Variants in ALG2 observed in about 807,000 individuals in gnomAD.
ALG2 encodes alpha-1,3/1,6-mannosyltransferase ALG2.
In ALG2, 32 loss-of-function variants were observed where a neutral mutation model predicts 30.5. The observed-to-expected ratio is 1.05, with a 90% CI of 0.79 to 1.41. ALG2 has a LOEUF of 1.41. ALG2 is among the 40% of genes most tolerant of loss of function. The pLI is 0.00. For missense variants in ALG2, 574 were observed against 526.4 expected (o/e 1.09, Z -0.88); for synonymous variants, 253 against 224.8 (o/e 1.13, Z -1.12).
At position 99,218,495 on chromosome 9, in the gene ALG2, G is replaced by A. The variant is rs368526201; in HGVS notation, c.690C>T (p.Ser230=). The A allele has an allele frequency of 2.7e-5, 44 of 1,614,100 alleles. No individual in the cohort carries two copies. Among genetic ancestry groups the A allele is most frequent in the Non-Finnish European group, 3.1e-5 (36 of 1,180,044 alleles). ...VPKGKKFLLL[S]INRYERKKNL... is the part of the protein sequence containing the mutation. ...TTTTCTTCCTTTCGTATCTGTTGATGGAGAGCAGCAGGAATTTTTTCCCCT... is the reference window on the plus strand; with the variant it reads ...TTTTCTTCCTTTCGTATCTGTTGATAGAGAGCAGCAGGAATTTTTTCCCCT... Residue 230 remains serine, a synonymous_variant, in exon 2 of 2, where the codon TCC becomes TCT. Coordinates refer to ENST00000476832, the MANE Select transcript of ALG2 (RefSeq NM_033087.4).
Position 99,218,335 on chromosome 9 carries a change from A to T in ALG2, c.850T>A (p.Leu284Met). The part of the protein sequence containing the change: ...VLENVEHYQE[L>M]KKMVQQSDLG... ...TCGGACTGTTGGACCATTTTCTTCA[A>T]TTCCTGATAATGTTCCACATTCTCC... The change falls in exon 2 of 2, where the codon TTG becomes ATG. Residue 284 changes from leucine to methionine, a missense_variant. By Grantham distance (15) the Leu-to-Met change is conservative. Transcript: ENST00000476832. The T allele has an allele frequency of 6.2e-7, 1 of 1,614,222 alleles. No individual in the cohort carries two copies. Among genetic ancestry groups the T allele is most frequent in the Non-Finnish European group, 8.5e-7 (1 of 1,180,034 alleles).
chr9:99,218,794 TCCG>T lies in ALG2; in HGVS notation c.388_390del (p.Arg130del), dbSNP rs779134943. The T allele has an allele frequency of 1.4e-5, 22 of 1,609,930 alleles. No individual in the cohort carries two copies. The highest frequency in any genetic ancestry group is 1.9e-5 in the Non-Finnish European group (22 of 1,180,006). ...AAGTGACAGTAAAATAGGATCTTCTTCCGCCGTCTAGCCAGCCTGAACACTGGG... is the reference window on the plus strand; with the variant it reads ...AAGTGACAGTAAAATAGGATCTTCTTCCGTCTAGCCAGCCTGAACACTGGG... On this transcript the variant is annotated inframe_deletion, in exon 2 of 2. Coordinates refer to ENST00000476832, the MANE Select transcript of ALG2 (RefSeq NM_033087.4).
At chr9:99,219,151 GA>G (rs1588619340) in intron 1 of ALG2, among the ~76,000 whole-genome samples, 2 of 152,212 alleles carry the variant, frequency 1.3e-5, no homozygotes, top group East Asian at 3.9e-4. Flanking sequence ...ATTATTTACC[GA>G]AAACATTATC....
rs1828709282 is a variant in ALG2 at position 99,217,232 on chromosome 9, A to G, written c.*702T>C. The G allele has an allele frequency of 1.1e-5, 5 of 453,990 alleles. No individual in the cohort carries two copies. Among genetic ancestry groups the G allele is most frequent in the South Asian group, 6.2e-5 (4 of 64,478 alleles). 28.1% of individuals were successfully genotyped at this position (453,990 alleles called of 1,614,324 possible). A position where few individuals can be genotyped will look rare whatever the true frequency, so the allele number is the denominator to read the frequency against. On this transcript the variant is annotated 3_prime_UTR_variant, in exon 2 of 2. Coordinates refer to ENST00000476832, the MANE Select transcript of ALG2 (RefSeq NM_033087.4). ...ATACCCTAAACAAGATGCACAACACATGTGTGACAATATTCTTGCTTCATT... is the reference window on the plus strand; with the variant it reads ...ATACCCTAAACAAGATGCACAACACGTGTGTGACAATATTCTTGCTTCATT...
At position 99,221,398 on chromosome 9, in the gene ALG2, C is replaced by T; in HGVS notation, c.348+149G>A. The T allele has an allele frequency of 4.0e-6, 4 of 990,784 alleles. No homozygotes were observed. In the South Asian group the frequency reaches 6.0e-5, roughly 15 times the overall value. 61.4% of individuals were successfully genotyped at this position (990,784 alleles called of 1,614,324 possible). A position where few individuals can be genotyped will look rare whatever the true frequency, so the allele number is the denominator to read the frequency against. On this transcript the variant is annotated intron_variant, in intron 1 of 1. Coordinates refer to ENST00000476832, the MANE Select transcript of ALG2 (RefSeq NM_033087.4). ...TGGGCCCACACTAAAGTTAGAGAACCACAGGCTCGCTCACAACCCTGACTT... is the reference window on the plus strand; with the variant it reads ...TGGGCCCACACTAAAGTTAGAGAACTACAGGCTCGCTCACAACCCTGACTT...
chr9:99,221,257 A>C, intron 1 of ALG2: 3 of 1,105,530 alleles, frequency 2.7e-6, no homozygotes, highest in Non-Finnish European at 3.7e-6. Flanking sequence ...CCCAAAGACT[A>C]TCTACCTCGG....
rs748435948 is a variant in ALG2 at position 99,217,892 on chromosome 9, T to G, written c.*42A>C. 6.2e-7 allele frequency: 1 copy of G among 1,602,718 alleles called. No homozygotes were observed. On this transcript the variant is annotated 3_prime_UTR_variant, in exon 2 of 2. Coordinates refer to ENST00000476832, the MANE Select transcript of ALG2 (RefSeq NM_033087.4). ...TTTGGTTTCAAAACTGGGTCTACAA[T>G]CCATAAAAATGACATTAATGGAGAT... is the stretch of plus-strand genomic sequence containing the variant.
At position 99,217,574 on chromosome 9, in the gene ALG2, T is replaced by A. The variant is rs1222384684; in HGVS notation, c.*360A>T. The A allele has an allele frequency of 2.2e-6, 1 of 461,738 alleles. No individual in the cohort carries two copies. The highest frequency in any genetic ancestry group is 4.3e-6 in the Non-Finnish European group (1 of 232,002). 28.6% of individuals were successfully genotyped at this position (461,738 alleles called of 1,614,324 possible). A position where few individuals can be genotyped will look rare whatever the true frequency, so the allele number is the denominator to read the frequency against. ...ACTATGAAGCCAAATTAATCAACTT[T>A]GATAATGATACACACTTAAACTATG... On this transcript the variant is annotated 3_prime_UTR_variant, in exon 2 of 2. Coordinates refer to ENST00000476832, the MANE Select transcript of ALG2 (RefSeq NM_033087.4).
At position 99,221,920 on chromosome 9, in the gene ALG2, G is replaced by A. The variant is rs770665824; in HGVS notation, c.-26C>T. Reference sequence around the variant, plus strand: ...GGCCCTGGAGCCGCAACTGCACCCCGCACCCTGATGGGGGTCTTCTGCGCA... The same window carrying A: ...GGCCCTGGAGCCGCAACTGCACCCCACACCCTGATGGGGGTCTTCTGCGCA... On this transcript the variant is annotated 5_prime_UTR_variant, in exon 1 of 2. Coordinates refer to ENST00000476832, the MANE Select transcript of ALG2 (RefSeq NM_033087.4). 2.0e-5 allele frequency: 32 copies of A among 1,562,450 alleles called. No homozygotes were observed. The highest frequency in any genetic ancestry group is 2.5e-5 in the Non-Finnish European group (29 of 1,159,788).
rs1189945088 is a variant in ALG2 at position 99,216,922 on chromosome 9, T to G, written c.*1012A>C. On this transcript the variant is annotated 3_prime_UTR_variant, in exon 2 of 2. Coordinates refer to ENST00000476832, the MANE Select transcript of ALG2 (RefSeq NM_033087.4). ...GGAAATGAATTTAGCCTTAGAAGTA[T>G]GTTGAAAACTACTGTTTATGATTTG... The G allele has an allele frequency of 4.4e-6, 2 of 454,140 alleles. No individual in the cohort carries two copies. The highest frequency in any genetic ancestry group is 4.4e-6 in the Non-Finnish European group (1 of 226,796). The allele number at this position is 454,140 out of a possible 1,614,324, so 28.1% of individuals were successfully genotyped here.
chr9:99,220,960 C>G, intron 1 of ALG2: 1 of 1,351,742 alleles, frequency 7.4e-7, no homozygotes, highest in Non-Finnish European at 9.8e-7. Context: ...CAGGGCAGAT[C>G]CAGGTGGACA....
chr9:99,218,178 T>C lies in ALG2; in HGVS notation c.1007A>G (p.Tyr336Cys). The C allele has an allele frequency of 6.2e-7, 1 of 1,613,520 alleles. No individual in the cohort carries two copies. Among genetic ancestry groups the C allele is most frequent in the Non-Finnish European group, 8.5e-7 (1 of 1,179,436 alleles). Reference sequence around the variant, plus strand: ...AACAGCAATGACTGGGCACTGCATGTACATGGCTTCCAGAGGGACAATGCC... The same window carrying C: ...AACAGCAATGACTGGGCACTGCATGCACATGGCTTCCAGAGGGACAATGCC... Reference protein sequence around the residue: ...HFGIVPLEAMYMQCPVIAVNS... With the variant: ...HFGIVPLEAMCMQCPVIAVNS... Residue 336 changes from tyrosine (Y) to cysteine (C), a missense_variant, in exon 2 of 2, where the codon TAC becomes TGC. Physicochemically the swap from Tyr to Cys is radical, Grantham distance 194. Transcript: ENST00000476832.
chr9:99,218,257 A>C lies in ALG2; in HGVS notation c.928T>G (p.Ser310Ala). Residue 310 changes from serine (S) to alanine (A), a missense_variant, in exon 2 of 2, where the codon TCC becomes GCC. Physicochemically the swap from Ser to Ala is moderately conservative, Grantham distance 99. Transcript: ENST00000476832. ...LRSFSDKQKI[S>A]LLHSCTCVLY... is the part of the protein sequence containing the mutation. ...ACACACGTGCAGCTGTGGAGGAGGG[A>C]GATTTTCTGTTTGTCTGAGAAAGAC... 1 of 1,614,142 alleles carries C rather than the reference A, an allele frequency of 6.2e-7. No homozygotes were observed. The highest frequency in any genetic ancestry group is 8.5e-7 in the Non-Finnish European group (1 of 1,180,020).
At chr9:99,221,524 A>T (rs1421535412) in intron 1 of ALG2, 23 bp downstream of exon 1, 2 of 1,540,392 alleles carry the variant, frequency 1.3e-6, no homozygotes, top group African/African-American at 1.4e-5. Flanking sequence ...GCACTCGCGC[A>T]GCCGGCCCCG....
rs188133373 is a variant in ALG2 at position 99,221,438 on chromosome 9, C to T, written c.348+109G>A. On this transcript the variant is annotated intron_variant, in intron 1 of 1. Transcript: ENST00000476832. ...AACCCTGACTTCTCCATGTCAGTTC[C>T]GATCTTTGCGAACCGCAGACAGGGA... 4.1e-4 allele frequency: 527 copies of T among 1,280,096 alleles called. 2 individuals are homozygous for T. Among genetic ancestry groups the T allele is most frequent in the Non-Finnish European group, 5.4e-4 (497 of 918,880 alleles). 79.3% of individuals were successfully genotyped at this position (1,280,096 alleles called of 1,614,324 possible).
Position 99,221,880 on chromosome 9 carries a change from C to T in ALG2, c.15G>A (p.Gln5=), listed in dbSNP as rs762623183. The part of the protein sequence containing the change: MAEE[Q]GRERDSVPKP... The stretch of plus-strand genomic sequence containing the variant: ...TGGGAACCGAGTCCCGTTCCCGGCC[C>T]TGCTCCTCCGCCATGGCCCTGGAGC... Residue 5 remains glutamine (Q), a synonymous_variant, in exon 1 of 2, where the codon CAG becomes CAA. Transcript: ENST00000476832. 2.5e-6 allele frequency: 4 copies of T among 1,589,026 alleles called. No individual in the cohort carries two copies. The highest frequency in any genetic ancestry group is 2.6e-6 in the Non-Finnish European group (3 of 1,175,210).
At position 99,218,315 on chromosome 9, in the gene ALG2, C is replaced by G. The variant is rs752174931; in HGVS notation, c.870G>C (p.Gln290His). ...AGGTCACATACTGGCCAAGGTCGGA[C>G]TGTTGGACCATTTTCTTCAATTCCT... ...HYQELKKMVQ[Q>H]SDLGQYVTFL... Residue 290 changes from glutamine (Q) to histidine (H), a missense_variant, in exon 2 of 2, where the codon CAG becomes CAC. By Grantham distance (24) the Gln-to-His change is conservative. Transcript: ENST00000476832. 7.5e-5 allele frequency: 121 copies of G among 1,614,116 alleles called. No individual in the cohort carries two copies. Among genetic ancestry groups the G allele is most frequent in the Middle Eastern group, 4.9e-4 (3 of 6,084 alleles).
At chr9:99,219,228 TTACA>T (rs1388059004) in intron 1 of ALG2, among the ~76,000 whole-genome samples, 5 of 152,256 alleles carry the variant, frequency 3.3e-5, no homozygotes, top group Non-Finnish European at 7.3e-5. Context: ...ATATTTCACA[TTACA>T]TCTTCAAAAT....
chr9:99,221,455 A>T (rs1360782975), intron 1 of ALG2, 92 bp downstream of exon 1: 6 of 1,368,532 alleles, frequency 4.4e-6, no homozygotes, highest in Non-Finnish European at 6.0e-6. Context: ...TGCGAACCGC[A>T]GACAGGGAAG....
Sources: gnomAD v4.1 joint callset for allele counts (sites outside exome capture counted in the v4.1 genomes callset) on GRCh38, gnomAD v4.1.1 for gene constraint, MANE v1.5 for transcripts, NCBI Gene and HGNC (gene_info 2026-07-23, HGNC 2026-07-21) for gene names.